The following MBTPS1 variants were observed in gnomAD, a reference collection of about 807,000 sequenced individuals.
MBTPS1 encodes the protein membrane-bound transcription factor site-1 protease.
MBTPS1 carries 94 observed loss-of-function variants against 127.8 expected under a neutral mutation model. The ratio of observed to expected loss-of-function variants is 0.74; its 90% CI spans 0.62 to 0.87. The LOEUF (loss-of-function observed/expected upper bound fraction) is 0.87, where lower values mean the gene tolerates loss of function less well. Among genes scored for constraint, MBTPS1 ranks in the 40% least tolerant of loss-of-function variants. The pLI is 0.00. For synonymous variants in MBTPS1, 632 were observed against 509.4 expected, an observed-to-expected ratio of 1.24 and a Z score of -3.24; for missense variants, 1,636 against 1,353.2, an observed-to-expected ratio of 1.21 and a Z score of -3.28.
Position 84,054,659 on chromosome 16 carries a change from G to C in MBTPS1, c.2963-14C>G, listed in dbSNP as rs1211816198. ...CAGGCATGATCCCTGTAAGAGGACA[G>C]CCGGTTGAACAGGCAGGAACGCCAC... On this transcript the variant is annotated splice_polypyrimidine_tract_variant and intron_variant, in intron 22 of 22. Coordinates refer to ENST00000343411, the MANE Select transcript of MBTPS1 (RefSeq NM_003791.4). The C allele has an allele frequency of 6.4e-7, 1 of 1,568,914 alleles. No homozygotes were observed. The highest frequency in any genetic ancestry group is 1.4e-5 in the African/African-American group (1 of 73,470).
intron 2 of MBTPS1, among the ~76,000 whole-genome samples, chr16:84,100,189 A>G (rs2086234238): frequency 6.6e-6 from 1 of 152,210 alleles, no homozygotes; most frequent in South Asian, 2.1e-4. Flanking sequence ...AAGTGGATGG[A>G]TTGCTTGAGC....
chr16:84,091,948 C>T (rs2086116185), intron 6 of MBTPS1, 100 bp from the exon 7 acceptor site: 1 of 731,922 alleles, frequency 1.4e-6, no homozygotes, highest in Admixed American at 2.3e-5. Context: ...ACAAGTAGTT[C>T]TCTTAATTTT....
chr16:84,056,191 A>AC, intron 21 of MBTPS1, 56 bp from the exon 22 acceptor site: 7 of 1,467,514 alleles, frequency 4.8e-6, no homozygotes, highest in Non-Finnish European at 5.7e-6. Context: ...TAGTCTAGGT[A>AC]CTAGTCTAGG....
At chr16:84,080,020 G>T (rs1185048566) in intron 11 of MBTPS1, among the ~76,000 whole-genome samples, 1 of 152,214 alleles carries the variant, frequency 6.6e-6, no homozygotes, top group African/African-American at 2.4e-5. Flanking sequence ...GAGCACAGAG[G>T]TGCATGACAG....
chr16:84,092,913 G>A (rs750352101), intron 6 of MBTPS1, among the ~76,000 whole-genome samples: 2 of 152,210 alleles, frequency 1.3e-5, no homozygotes, highest in Non-Finnish European at 2.9e-5. Flanking sequence ...AAGCCTGGAG[G>A]TAGAGAAGAA....
chr16:84,070,056 A>G lies in MBTPS1; in HGVS notation c.1783-18T>C. On this transcript the variant is annotated intron_variant, in intron 13 of 22. Coordinates refer to ENST00000343411, the MANE Select transcript of MBTPS1 (RefSeq NM_003791.4). ...TTTTTTGACTAAAAAAAAAGAAAAG[A>G]AACTTGAAACGCCCTCATTGTGCAG... is the stretch of plus-strand genomic sequence containing the variant. 1 of 1,554,612 alleles carries G rather than the reference A, an allele frequency of 6.4e-7. No individual in the cohort carries two copies.
chr16:84,054,333 A>T lies in MBTPS1; in HGVS notation c.*116T>A. ...AGGCCCATGTAGAACAGACTCTAAC[A>T]AACCTGCAGCTGGAAACTGGATCCC... On this transcript the variant is annotated 3_prime_UTR_variant, in exon 23 of 23. Coordinates refer to ENST00000343411, the MANE Select transcript of MBTPS1 (RefSeq NM_003791.4). 2 of 940,266 alleles carry T rather than the reference A, an allele frequency of 2.1e-6. No individual in the cohort carries two copies. Among genetic ancestry groups the T allele is most frequent in the Non-Finnish European group, 3.1e-6 (2 of 653,212 alleles). The allele number at this position is 940,266 out of a possible 1,614,324, so 58.2% of individuals were successfully genotyped here.
At chr16:84,116,139 G>A (rs1287238943) in intron 1 of MBTPS1, among the ~76,000 whole-genome samples, 3 of 152,140 alleles carry the variant, frequency 2.0e-5, no homozygotes, top group African/African-American at 7.2e-5. Flanking sequence ...AACTTAATTT[G>A]TGTAGACAAA....
chr16:84,111,134 G>A (rs2086391061), intron 1 of MBTPS1, among the ~76,000 whole-genome samples: 1 of 152,218 alleles, frequency 6.6e-6, no homozygotes, highest in African/African-American at 2.4e-5. Context: ...GTGACTAAAT[G>A]AAGGCACTGA....
Position 84,099,086 on chromosome 16 carries a change from G to T in MBTPS1, c.388C>A (p.Arg130=), listed in dbSNP as rs757376683. The part of the protein sequence containing the change: ...HPNIKRVTPQ[R]KVFRSLKYAE... ...TACTTGAGGGAACGAAAGACTTTTC[G>T]TTGGGGCGTGACCCGTTTGATGTTT... Residue 130 remains arginine, a synonymous_variant, in exon 3 of 23, where the codon CGA becomes AGA. Coordinates refer to ENST00000343411, the MANE Select transcript of MBTPS1 (RefSeq NM_003791.4). 1.2e-5 allele frequency: 19 copies of T among 1,614,040 alleles called. No homozygotes were observed. The East Asian group carries it at 2.0e-4, about 17-fold the overall frequency.
At chr16:84,083,640 G>C (rs556519587) in intron 10 of MBTPS1, among the ~76,000 whole-genome samples, 2 of 152,240 alleles carry the variant, frequency 1.3e-5, no homozygotes, top group South Asian at 4.2e-4. Context: ...TCTGGCATCA[G>C]AAGCTGAAAT....
At chr16:84,071,859 G>A (rs985408632) in intron 12 of MBTPS1, 3 of 152,166 alleles carry the variant, frequency 2.0e-5, no homozygotes, top group Admixed American at 1.3e-4. Flanking sequence ...ATGACAGGGC[G>A]ATCATGTTAG....
chr16:84,099,206 G>C lies in MBTPS1; in HGVS notation c.268C>G (p.Arg90Gly), dbSNP rs34076105. Reference protein sequence around the residue: ...SEVDNWRIIPRNNPSSDYPSD... With the variant: ...SEVDNWRIIPGNNPSSDYPSD... ...GGGTAGTCACTGGATGGATTGTTTC[G>C]AGGTATAATTCTCCAATTGTCTACT... Residue 90 changes from arginine to glycine, a missense_variant, in exon 3 of 23, where the codon CGA (arginine) becomes GGA (glycine). Transcript: ENST00000343411. 17 of 1,613,962 alleles carry C rather than the reference G, an allele frequency of 1.1e-5. No homozygotes were observed. Among genetic ancestry groups the C allele is most frequent in the African/African-American group, 2.7e-5 (2 of 74,896 alleles).
intron 21 of MBTPS1, 189 bp from the exon 22 acceptor site, chr16:84,056,324 G>A: frequency 1.9e-6 from 1 of 534,840 alleles, no homozygotes; most frequent in South Asian, 2.5e-5. Context: ...CGTCCCGAGG[G>A]AGAAAGATCA....
chr16:84,095,974 T>G (rs1265553695), intron 3 of MBTPS1, among the ~76,000 whole-genome samples, 169 bp from the exon 4 acceptor site: 4 of 152,174 alleles, frequency 2.6e-5, no homozygotes, highest in Non-Finnish European at 5.9e-5. Context: ...CAATTATAAT[T>G]ATAGGACGTT....
chr16:84,065,718 G>A lies in MBTPS1; in HGVS notation c.2403C>T (p.Val801=), dbSNP rs879196137. 4 of 1,612,048 alleles carry A rather than the reference G, an allele frequency of 2.5e-6. No homozygotes were observed. Among genetic ancestry groups the A allele is most frequent in the Admixed American group, 3.4e-5 (2 of 59,466 alleles). ...GGTCCTTGAAAGTCTGTGTTATCAC[G>A]ACGCCATCTTCTGGAAACTTCGCGA... The part of the protein sequence containing the change: ...CSIAKFPEDG[V]VITQTFKDQG... Residue 801 remains valine (V), a synonymous_variant, in exon 18 of 23, where the codon GTC becomes GTT. Coordinates refer to ENST00000343411, the MANE Select transcript of MBTPS1 (RefSeq NM_003791.4).
At chr16:84,104,580 G>T (rs1008898548) in intron 1 of MBTPS1, among the ~76,000 whole-genome samples, 2 of 152,172 alleles carry the variant, frequency 1.3e-5, no homozygotes, top group South Asian at 4.1e-4. Context: ...TAATAGTACT[G>T]AGAAAATCTT....
chr16:84,093,842 A>G (rs747490782), intron 4 of MBTPS1, 21 bp from the exon 5 acceptor site: 12 of 1,481,312 alleles, frequency 8.1e-6, no homozygotes, highest in Non-Finnish European at 1.1e-5. Context: ...AAAGAAAGCA[A>G]ACACAATTAT....
chr16:84,060,883 C>A, intron 19 of MBTPS1, 70 bp from the exon 20 acceptor site: 1 of 1,460,366 alleles, frequency 6.8e-7, no homozygotes, highest in South Asian at 1.3e-5. Context: ...TCTTGTCACC[C>A]AGTGCAGTGG....
Sources: gnomAD v4.1 joint callset for allele counts (sites outside exome capture counted in the v4.1 genomes callset) on GRCh38, gnomAD v4.1.1 for gene constraint, MANE v1.5 for transcripts, NCBI Gene and HGNC (gene_info 2026-07-23, HGNC 2026-07-21) for gene names.